The following CACNA1C variants were observed in gnomAD, a reference collection of about 807,000 sequenced individuals.
The protein encoded by CACNA1C is calcium voltage-gated channel subunit alpha1 C, also known as voltage-dependent L-type calcium channel subunit alpha-1C.
Under a neutral mutation model 229.0 loss-of-function variants are expected in CACNA1C, and 30 were observed. The observed-to-expected ratio is 0.13, with a 90% CI of 0.10 to 0.18. The LOEUF is 0.18. Among genes scored for constraint, CACNA1C ranks in the 10% least tolerant of loss-of-function variants. The pLI is 1.00. For synonymous variants in CACNA1C, 1,114 were observed against 1,132.5 expected (o/e 0.98, Z 0.33); for missense variants, 1,658 against 2,845.0 (o/e 0.58, Z 9.49).
At chr12:2,234,106 G>A (rs1419052381) in intron 3 of CACNA1C, among the ~76,000 whole-genome samples, 3 of 152,112 alleles carry the variant, frequency 2.0e-5, no homozygotes, top group African/African-American at 4.8e-5. Context: ...GCCCAGAAAG[G>A]TGTCTCCAGC....
chr12:2,117,748 C>T (rs1437304529), intron 2 of CACNA1C, among the ~76,000 whole-genome samples: 1 of 152,250 alleles, frequency 6.6e-6, no homozygotes, highest in Non-Finnish European at 1.5e-5. Flanking sequence ...ACACGCCGGA[C>T]CTGGATCCGG....
intron 5 of CACNA1C, among the ~76,000 whole-genome samples, chr12:2,485,159 T>C (rs1312048444): frequency 6.6e-6 from 1 of 152,054 alleles, no homozygotes; most frequent in Non-Finnish European, 1.5e-5. Flanking sequence ...TTTCCTGTCC[T>C]GTGTGTCAGA....
chr12:1,977,299 T>C (rs2034698039), intron 1 of CACNA1C, among the ~76,000 whole-genome samples: 1 of 152,200 alleles, frequency 6.6e-6, no homozygotes, highest in Non-Finnish European at 1.5e-5. Flanking sequence ...AGTTCAGCTG[T>C]GGCTACTGGT....
Position 2,346,257 on chromosome 12 carries a change from A to C in CACNA1C, c.478-102719A>C, listed in dbSNP as rs529090140. Among the ~76,000 whole-genome samples the C allele has an allele frequency of 2.2e-4, 33 of 151,780 alleles. 2 individuals are homozygous for C. In the South Asian group the frequency reaches 6.3e-3, roughly 29 times the overall value. ...TGTCTGTGTGTGTCTCTGTCTGTGC[A>C]TCTCTCGTATGTGCCTGTGTCTCTA... is the stretch of plus-strand genomic sequence containing the variant. On this transcript the variant is annotated intron_variant, in intron 3 of 46. Coordinates refer to ENST00000399655, the MANE Select transcript of CACNA1C (RefSeq NM_000719.7). The surrounding 1 kb of genome is among the most constrained non-coding windows in gnomAD (Gnocchi z 4.4).
intron 2 of CACNA1C, among the ~76,000 whole-genome samples, chr12:2,116,451 A>G (rs1274726303): frequency 2.0e-5 from 3 of 150,342 alleles, no homozygotes; most frequent in Non-Finnish European, 4.4e-5. Flanking sequence ...GGCTCACTGC[A>G]AGCTCCTGGG....
At chr12:2,051,954 G>A (rs1037881491), upstream of CACNA1C, among the ~76,000 whole-genome samples, 8 of 152,216 alleles carry the variant, frequency 5.3e-5, no homozygotes, top group East Asian at 7.7e-4. Flanking sequence ...TGGATGTGGA[G>A]GCGAGGAGGT....
intron 3 of CACNA1C, among the ~76,000 whole-genome samples, chr12:2,389,813 T>G (rs2098453845): frequency 1.3e-5 from 2 of 152,122 alleles, no homozygotes; most frequent in African/African-American, 2.4e-5. Flanking sequence ...CCCTCGTTCT[T>G]CCAACCCTCC....
In CACNA1C at chr12:1,999,112, T is replaced by G. The variant is rs183353499; in HGVS notation, c.139+27911T>G. Among the ~76,000 whole-genome samples, 837 of 152,322 alleles carry G rather than the reference T, an allele frequency of 5.5e-3. 5 individuals are homozygous for G. The highest frequency in any genetic ancestry group is 0.018 in the African/African-American group (769 of 41,574). ...GCGTCACCTGGGAACTTATTAGAAA[T>G]GCAAGCTCTTGGGCTCCTGCCCAAA... On this transcript the variant is annotated intron_variant, in intron 1 of 46. Transcript: ENST00000682462.
intron 1 of CACNA1C, among the ~76,000 whole-genome samples, chr12:2,101,260 C>T (rs921040974): frequency 3.3e-5 from 5 of 152,258 alleles, no homozygotes; most frequent in Admixed American, 2.0e-4. Context: ...AGTACCCAGG[C>T]GCAGAGCTTT....
chr12:2,446,276 TG>T (rs2099278242), intron 3 of CACNA1C, among the ~76,000 whole-genome samples: 1 of 143,592 alleles, frequency 7.0e-6, no homozygotes, highest in Non-Finnish European at 1.5e-5. Flanking sequence ...AATGGATAGG[TG>T]GGTGGATGGA....
At chr12:2,312,648 G>A (rs915716666) in intron 3 of CACNA1C, among the ~76,000 whole-genome samples, 1 of 152,144 alleles carries the variant, frequency 6.6e-6, no homozygotes, top group Middle Eastern at 3.2e-3. Context: ...ATAATGCCCA[G>A]AACTAAACCC....
intron 5 of CACNA1C, among the ~76,000 whole-genome samples, chr12:2,475,212 T>C (rs2099619043): frequency 6.6e-6 from 1 of 151,342 alleles, no homozygotes; most frequent in African/African-American, 2.4e-5. Context: ...GGCAGGAGAA[T>C]GGCGTGAACC....
At position 2,141,958 on chromosome 12, in the gene CACNA1C, C is replaced by T. The variant is rs191210735; in HGVS notation, c.477+21528C>T. ...GCCGGGCGGCTCTTTGAAGGGATGA[C>T]GTGGGAAGGGTATCCTCTCCTTTCC... On this transcript the variant is annotated intron_variant, in intron 3 of 46. Coordinates refer to ENST00000399655, the MANE Select transcript of CACNA1C (RefSeq NM_000719.7). Among the ~76,000 whole-genome samples the T allele has an allele frequency of 3.2e-4, 48 of 151,234 alleles. 1 individual carries two copies. The highest frequency in any genetic ancestry group is 7.3e-4 in the Admixed American group (11 of 15,038).
chr12:2,115,583 C>T (rs1422468390), intron 2 of CACNA1C, 38 bp downstream of exon 2: 9 of 1,600,120 alleles, frequency 5.6e-6, no homozygotes, highest in African/African-American at 1.3e-5. Context: ...GCTCCTGGGA[C>T]CTGCACGCTG....
chr12:2,073,388 T>C (rs1328372302), intron 1 of CACNA1C, among the ~76,000 whole-genome samples: 1 of 152,208 alleles, frequency 6.6e-6, no homozygotes, highest in Non-Finnish European at 1.5e-5. Flanking sequence ...CTAGGGCTTC[T>C]CCCTTGTATC....
intron 3 of CACNA1C, among the ~76,000 whole-genome samples, chr12:2,139,011 C>CT (rs2093855790): frequency 6.6e-6 from 1 of 150,634 alleles, no homozygotes; most frequent in Admixed American, 6.7e-5. Flanking sequence ...ATCTGCGTCT[C>CT]TCAGTGTGTT....
intron 4 of CACNA1C, 79 bp from the exon 5 acceptor site, chr12:2,457,488 C>T (rs1014981110): frequency 3.7e-5 from 55 of 1,483,650 alleles, no homozygotes; most frequent in Non-Finnish European, 4.9e-5. Context: ...CTTTTCCGGG[C>T]TGTATCCAGA....
chr12:2,116,498 C>T (rs985185998), intron 2 of CACNA1C, among the ~76,000 whole-genome samples: 1 of 151,984 alleles, frequency 6.6e-6, no homozygotes. Flanking sequence ...CCTGTATAGC[C>T]GGGACCACAG....
chr12:2,689,853 A>C lies in CACNA1C; in HGVS notation c.6118-1047A>C, dbSNP rs1279083988. 1 of 152,320 alleles carries C rather than the reference A, an allele frequency of 6.6e-6. No homozygotes were observed. The highest frequency in any genetic ancestry group is 2.1e-4 in the South Asian group (1 of 4,822). 9.4% of individuals were successfully genotyped at this position (152,320 alleles called of 1,614,324 possible). On this transcript the variant is annotated intron_variant, in intron 46 of 46. Coordinates refer to ENST00000399655, the MANE Select transcript of CACNA1C (RefSeq NM_000719.7). The surrounding 1 kb of genome is among the most constrained non-coding windows in gnomAD (Gnocchi z 4.2). ...TGGTGAGGAGAGACAGATAATAAACACATACATATATAACACATCAGGAAG... is the reference window on the plus strand; with the variant it reads ...TGGTGAGGAGAGACAGATAATAAACCCATACATATATAACACATCAGGAAG...
Sources: gnomAD v4.1 joint callset for allele counts (sites outside exome capture counted in the v4.1 genomes callset) on GRCh38, gnomAD v4.1.1 for gene constraint, Gnocchi (gnomAD v3.1) non-coding constraint, MANE v1.5 for transcripts, NCBI Gene and HGNC (gene_info 2026-07-23, HGNC 2026-07-21) for gene names.